MALRD1: variants seen among roughly 807,000 people sequenced by gnomAD.
The protein encoded by MALRD1 is MAM and LDL receptor class A domain containing 1.
A neutral mutation model predicts 242.1 loss-of-function variants in MALRD1; 247 were observed. The ratio of observed to expected loss-of-function variants is 1.02; its 90% confidence interval spans 0.92 to 1.13. The LOEUF (loss-of-function observed/expected upper bound fraction) is 1.13. Ranked by LOEUF, MALRD1 falls within the 50% of genes most tolerant of loss-of-function variation. The probability of loss-of-function intolerance (pLI) is 0.00; values close to 1 mark genes in which losing one functional copy is unlikely to be tolerated. For missense variants in MALRD1, 2,989 were observed against 2,533.1 expected (o/e 1.18, Z -3.86); for synonymous variants, 995 against 866.6 (o/e 1.15, Z -2.60).
intron 29 of MALRD1, among the ~76,000 whole-genome samples, chr10:19,486,793 C>G (rs749266356): frequency 3.0e-4 from 46 of 151,964 alleles, no homozygotes; most frequent in Non-Finnish European, 5.3e-4. Flanking sequence ...GTGTACAAAA[C>G]GATTTTAATC....
chr10:19,237,024 A>G (rs1358000586), intron 18 of MALRD1, among the ~76,000 whole-genome samples: 3 of 152,032 alleles, frequency 2.0e-5, no homozygotes, highest in African/African-American at 7.2e-5. Context: ...TTGTAATTAT[A>G]TAGATTTATA....
chr10:19,658,418 G>T (rs1357199578), intron 36 of MALRD1, among the ~76,000 whole-genome samples: 3 of 152,064 alleles, frequency 2.0e-5, no homozygotes, highest in Non-Finnish European at 2.9e-5. Context: ...AAGCATCAAA[G>T]ATATTTTAGC....
At chr10:19,670,126 A>G (rs1841855290) in intron 36 of MALRD1, among the ~76,000 whole-genome samples, 1 of 152,088 alleles carries the variant, frequency 6.6e-6, no homozygotes, top group Non-Finnish European at 1.5e-5. Context: ...ATAACCTTAA[A>G]TAGGCATTCA....
At chr10:19,332,637 G>A (rs1843426698) in intron 24 of MALRD1, among the ~76,000 whole-genome samples, 2 of 152,060 alleles carry the variant, frequency 1.3e-5, no homozygotes, top group Non-Finnish European at 2.9e-5. Context: ...TTGCTTCTTG[G>A]AACCAAACCT....
chr10:19,143,923 G>T (rs1057134018), intron 10 of MALRD1, among the ~76,000 whole-genome samples: 15 of 152,088 alleles, frequency 9.9e-5, no homozygotes, highest in African/African-American at 3.6e-4. Flanking sequence ...TCAAGATTGT[G>T]TCAGAAAACA....
At chr10:19,634,825 A>G (rs1840059342) in intron 36 of MALRD1, among the ~76,000 whole-genome samples, 2 of 152,136 alleles carry the variant, frequency 1.3e-5, no homozygotes, top group African/African-American at 4.8e-5. Context: ...AAAAACAACA[A>G]CAACAACAAC....
At chr10:19,312,998 T>C (rs1228917230) in intron 21 of MALRD1, among the ~76,000 whole-genome samples, 5 of 151,392 alleles carry the variant, frequency 3.3e-5, no homozygotes, top group Non-Finnish European at 7.4e-5. Context: ...TTTGTTAGAT[T>C]ACTGAACCCT....
intron 36 of MALRD1, among the ~76,000 whole-genome samples, chr10:19,657,378 A>G (rs1163326823): frequency 2.6e-5 from 4 of 152,112 alleles, no homozygotes; most frequent in Non-Finnish European, 4.4e-5. Flanking sequence ...CAGAGCTCAG[A>G]GTGGCTTTCC....
intron 29 of MALRD1, among the ~76,000 whole-genome samples, chr10:19,456,593 A>G (rs1008769107): frequency 1.1e-4 from 16 of 152,198 alleles, no homozygotes; most frequent in African/African-American, 3.4e-4. Context: ...CTTAGTTTAC[A>G]TGAAAAGCTG....
At chr10:19,549,905 T>TA (rs1376910603) in intron 32 of MALRD1, among the ~76,000 whole-genome samples, 3 of 152,228 alleles carry the variant, frequency 2.0e-5, no homozygotes, top group Admixed American at 6.5e-5. Context: ...TTCTGGCTAA[T>TA]AGGTTAAACA....
intron 36 of MALRD1, among the ~76,000 whole-genome samples, chr10:19,687,498 G>T (rs569668329): frequency 1.1e-4 from 16 of 152,162 alleles, no homozygotes; most frequent in African/African-American, 3.6e-4. Context: ...TCTCTGGTTG[G>T]TGTCAGCCTA....
intron 21 of MALRD1, among the ~76,000 whole-genome samples, chr10:19,302,790 AAAAT>A (rs2131961547): frequency 6.6e-6 from 1 of 151,876 alleles, no homozygotes; most frequent in South Asian, 2.1e-4. Context: ...AATTTTTTGA[AAAAT>A]AAAAAGGAGG....
intron 11 of MALRD1, among the ~76,000 whole-genome samples, chr10:19,146,648 C>A (rs1247179449): frequency 6.6e-6 from 1 of 152,150 alleles, no homozygotes; most frequent in African/African-American, 2.4e-5. Context: ...GTAGGCTTGC[C>A]TTCTTTTTAG....
At chr10:19,192,502 CA>C (rs1444543989) in intron 14 of MALRD1, among the ~76,000 whole-genome samples, 2 of 152,090 alleles carry the variant, frequency 1.3e-5, no homozygotes, top group African/African-American at 4.8e-5. Flanking sequence ...AGACAGGCAG[CA>C]AATAAAACAA....
chr10:19,069,422 T>C (rs1006010908), intron 2 of MALRD1, among the ~76,000 whole-genome samples: 3 of 152,034 alleles, frequency 2.0e-5, no homozygotes, highest in Non-Finnish European at 4.4e-5. Flanking sequence ...ATATTTGCTT[T>C]AGACAGCATT....
intron 18 of MALRD1, among the ~76,000 whole-genome samples, chr10:19,219,836 G>T (rs986924344): frequency 2.6e-5 from 4 of 151,954 alleles, no homozygotes; most frequent in Non-Finnish European, 5.9e-5. Flanking sequence ...GATCCTACAT[G>T]CTAATATTAT....
At chr10:19,350,125 A>T (rs929455523) in intron 25 of MALRD1, among the ~76,000 whole-genome samples, 1 of 152,038 alleles carries the variant, frequency 6.6e-6, no homozygotes, top group Non-Finnish European at 1.5e-5. Context: ...TTTTTATGAG[A>T]ATCACCTCTG....
At chr10:19,094,565 G>A (rs368900539) in intron 4 of MALRD1, among the ~76,000 whole-genome samples, 11 of 151,708 alleles carry the variant, frequency 7.3e-5, no homozygotes, top group East Asian at 2.0e-4. Context: ...CGTCGCTCAC[G>A]CTGGGAGCTG....
intron 36 of MALRD1, among the ~76,000 whole-genome samples, chr10:19,641,438 C>T (rs10827728): frequency 0.061 from 9,293 of 152,106 alleles, 355 homozygotes; most frequent in Middle Eastern, 0.095. Flanking sequence ...TTTAAAAATA[C>T]GGTTGAGACG....
Sources: allele counts gnomAD v4.1 joint callset (sites outside exome capture counted in the v4.1 genomes callset), GRCh38; gene constraint gnomAD v4.1.1; transcripts MANE v1.5; gene names NCBI Gene and HGNC (gene_info 2026-07-23, HGNC 2026-07-21).